CLSTN2: variants seen among roughly 807,000 people sequenced by gnomAD.
CLSTN2 encodes calsyntenin-2.
Under a neutral mutation model 101.2 loss-of-function variants are expected in CLSTN2, and 48 were observed. The observed-to-expected ratio is 0.47, with a 90% CI of 0.38 to 0.60. The LOEUF is 0.60. Ranked by LOEUF, CLSTN2 falls within the 20% of genes least tolerant of loss-of-function variation. CLSTN2 has a pLI of 0.00. For missense variants in CLSTN2, 1,160 were observed against 1,238.2 expected (o/e 0.94, Z 0.95); for synonymous variants, 481 against 463.6 (o/e 1.04, Z -0.48).
intron 1 of CLSTN2, among the ~76,000 whole-genome samples, chr3:140,009,824 A>C (rs1353985767): frequency 6.6e-6 from 1 of 152,224 alleles, no homozygotes; most frequent in Non-Finnish European, 1.5e-5. Context: ...ATCCACTTGT[A>C]TTGCTCCCAC....
chr3:140,449,591 G>T (rs914819302), intron 6 of CLSTN2: 1 of 152,098 alleles, frequency 6.6e-6, no homozygotes, highest in African/African-American at 2.4e-5. Context: ...GTCCTTTTAC[G>T]GCTTCTTCCA....
At chr3:140,039,840 A>C (rs2007726476) in intron 1 of CLSTN2, among the ~76,000 whole-genome samples, 1 of 152,250 alleles carries the variant, frequency 6.6e-6, no homozygotes, top group Admixed American at 6.5e-5. Context: ...TTATTAAATA[A>C]GTATAAACAA....
At chr3:140,179,002 G>A (rs2010366965) in intron 2 of CLSTN2, among the ~76,000 whole-genome samples, 1 of 151,810 alleles carries the variant, frequency 6.6e-6, no homozygotes, top group South Asian at 2.1e-4. Flanking sequence ...TTTTTTTTAA[G>A]AAAAATGTTT....
chr3:140,504,195 G>A (rs908613266), intron 8 of CLSTN2, among the ~76,000 whole-genome samples: 5 of 152,164 alleles, frequency 3.3e-5, no homozygotes, highest in Admixed American at 6.5e-5. Context: ...CAGGCTCCAT[G>A]CATATTTAGT....
chr3:140,377,943 C>A (rs1425689573), intron 2 of CLSTN2, among the ~76,000 whole-genome samples: 1 of 152,096 alleles, frequency 6.6e-6, no homozygotes, highest in Non-Finnish European at 1.5e-5. Context: ...TACAGGTTTA[C>A]CACTTTAAAA....
chr3:140,309,193 T>C (rs1025051952), intron 2 of CLSTN2, among the ~76,000 whole-genome samples: 2 of 151,894 alleles, frequency 1.3e-5, no homozygotes, highest in Non-Finnish European at 2.9e-5. Flanking sequence ...AAAGCAGAAG[T>C]ATAGGGTCCT....
At chr3:140,396,606 T>A (rs1229336859) in intron 2 of CLSTN2, among the ~76,000 whole-genome samples, 1 of 152,232 alleles carries the variant, frequency 6.6e-6, no homozygotes, top group African/African-American at 2.4e-5. Flanking sequence ...GAGAGGTAAG[T>A]GACTTCCCTA....
chr3:139,964,698 G>T (rs1935564388), intron 1 of CLSTN2, among the ~76,000 whole-genome samples: 1 of 152,082 alleles, frequency 6.6e-6, no homozygotes, highest in Non-Finnish European at 1.5e-5. Flanking sequence ...TGAACATAAG[G>T]ACTGACTCCT....
chr3:140,117,213 GC>G (rs1176447058), intron 1 of CLSTN2, among the ~76,000 whole-genome samples: 1 of 152,118 alleles, frequency 6.6e-6, no homozygotes, highest in African/African-American at 2.4e-5. Context: ...CCTCTACCCT[GC>G]CCGCCGTGGT....
chr3:140,509,797 T>C (rs1030773142), intron 8 of CLSTN2, among the ~76,000 whole-genome samples: 1 of 152,184 alleles, frequency 6.6e-6, no homozygotes, highest in Admixed American at 6.5e-5. Context: ...GCTCTACCTC[T>C]GTGGGGCTTT....
chr3:140,012,513 C>T (rs1475675842), intron 1 of CLSTN2, among the ~76,000 whole-genome samples: 1 of 152,062 alleles, frequency 6.6e-6, no homozygotes, highest in Non-Finnish European at 1.5e-5. Context: ...TGTAGCAGCT[C>T]CAGATAATGC....
chr3:140,103,704 C>T (rs996449195), intron 1 of CLSTN2, among the ~76,000 whole-genome samples: 2 of 152,172 alleles, frequency 1.3e-5, no homozygotes, highest in African/African-American at 4.8e-5. Flanking sequence ...AGGAGTAATA[C>T]GTCATTTCCC....
At chr3:139,991,735 G>A (rs1231854774) in intron 1 of CLSTN2, among the ~76,000 whole-genome samples, 3 of 152,196 alleles carry the variant, frequency 2.0e-5, no homozygotes, top group South Asian at 2.1e-4. Flanking sequence ...AAACTGGCTC[G>A]AACACACAAA....
At chr3:140,499,251 TTC>T (rs1419318400) in intron 8 of CLSTN2, among the ~76,000 whole-genome samples, 2 of 152,360 alleles carry the variant, frequency 1.3e-5, no homozygotes, top group African/African-American at 4.8e-5. Context: ...CTGAAGACGC[TTC>T]TCTTTCTCTT....
chr3:140,346,087 G>C (rs914408866), intron 2 of CLSTN2, among the ~76,000 whole-genome samples: 2 of 152,144 alleles, frequency 1.3e-5, no homozygotes, highest in African/African-American at 2.4e-5. Context: ...ATATGGCAGG[G>C]GGTGGCACAG....
At chr3:140,006,498 G>A (rs1360918991) in intron 1 of CLSTN2, among the ~76,000 whole-genome samples, 1 of 152,130 alleles carries the variant, frequency 6.6e-6, no homozygotes, top group Non-Finnish European at 1.5e-5. Context: ...ACCTCTCCAG[G>A]CACCTTGGAA....
chr3:140,556,160 G>A (rs1385075792), intron 10 of CLSTN2, among the ~76,000 whole-genome samples: 1 of 152,194 alleles, frequency 6.6e-6, no homozygotes, highest in Admixed American at 6.5e-5. Flanking sequence ...CGCAAGTTCT[G>A]AGTGGTCCAG....
intron 2 of CLSTN2, among the ~76,000 whole-genome samples, chr3:140,353,798 A>T (rs1409923939): frequency 6.6e-6 from 1 of 152,218 alleles, no homozygotes; most frequent in East Asian, 1.9e-4. Flanking sequence ...TCAATTCTAA[A>T]TAGTAATACT....
At chr3:140,051,685 C>A (rs1004364303) in intron 1 of CLSTN2, among the ~76,000 whole-genome samples, 12 of 152,178 alleles carry the variant, frequency 7.9e-5, no homozygotes, top group African/African-American at 2.7e-4. Context: ...ACCTGGGAAG[C>A]CTCAAAACAC....
Sources: gnomAD v4.1 joint callset for allele counts (sites outside exome capture counted in the v4.1 genomes callset) on GRCh38, gnomAD v4.1.1 for gene constraint, MANE v1.5 for transcripts, NCBI Gene and HGNC (gene_info 2026-07-23, HGNC 2026-07-21) for gene names.